The following VWCE variants were observed in gnomAD, a reference collection of about 807,000 sequenced individuals.
VWCE encodes von Willebrand factor C and EGF domain-containing protein.
VWCE carries 68 observed loss-of-function variants against 102.9 expected under a neutral mutation model. That is an observed-to-expected ratio of 0.66 (90% CI 0.54 to 0.81). The LOEUF is 0.81. Among genes scored for constraint, VWCE ranks in the 30% least tolerant of loss-of-function variants. The pLI, the probability that VWCE is intolerant of heterozygous loss-of-function variation, is 0.00. For missense variants in VWCE, 1,137 were observed against 1,263.6 expected, an observed-to-expected ratio of 0.90 and a Z score of 1.52; for synonymous variants, 497 against 515.4, an observed-to-expected ratio of 0.96 and a Z score of 0.48.
chr11:61,274,713 T>G, intron 11 of VWCE, 129 bp from the exon 12 acceptor site: 1 of 665,028 alleles, frequency 1.5e-6, no homozygotes. Flanking sequence ...GCATGCTCCG[T>G]GCCCAGGAAC....
At chr11:61,282,990 A>G in intron 5 of VWCE, 85 bp from the exon 6 acceptor site, 1 of 1,159,806 alleles carries the variant, frequency 8.6e-7, no homozygotes, top group Non-Finnish European at 1.3e-6. Flanking sequence ...CCTCATCTCC[A>G]TCTCCTATAC....
intron 3 of VWCE, 36 bp from the exon 4 acceptor site, chr11:61,290,963 G>A (rs771232134): frequency 9.4e-6 from 15 of 1,594,518 alleles, no homozygotes; most frequent in Admixed American, 5.1e-5. Context: ...CATGCACCCC[G>A]TGGCAGTCCC....
Position 61,294,815 on chromosome 11 carries a change from G to A in VWCE, c.110+113C>T, listed in dbSNP as rs1668880277. Reference sequence around the variant, plus strand: ...TGCCCGCGCTGATAGCACCCCAGAGGAAGCCCCGACACGCGGCTGCCTGCG... The same window carrying A: ...TGCCCGCGCTGATAGCACCCCAGAGAAAGCCCCGACACGCGGCTGCCTGCG... On this transcript the variant is annotated intron_variant, in intron 1 of 19. Transcript: ENST00000335613. The surrounding 1 kb of genome is among the most constrained non-coding windows in gnomAD (Gnocchi z 6.3). 1 of 651,954 alleles carries A rather than the reference G, an allele frequency of 1.5e-6. No individual in the cohort carries two copies. Among genetic ancestry groups the A allele is most frequent in the Non-Finnish European group, 2.3e-6 (1 of 439,852 alleles). 40.4% of individuals were successfully genotyped at this position (651,954 alleles called of 1,614,324 possible). A position where few individuals can be genotyped will look rare whatever the true frequency, so the allele number is the denominator to read the frequency against.
At position 61,294,574 on chromosome 11, in the gene VWCE, G is replaced by GGTGA. The variant is rs1245528082; in HGVS notation, c.110+353_110+354insTCAC. Among the ~76,000 whole-genome samples, 5 of 152,146 alleles carry GGTGA rather than the reference G, an allele frequency of 3.3e-5. No homozygotes were observed. The highest frequency in any genetic ancestry group is 9.7e-5 in the African/African-American group (4 of 41,436). ...CCAGGCGCTGCCCGGGCAGAGCCAC[G>GGTGA]GGCACGCTGGGGGGTGAGCCAGCCA... On this transcript the variant is annotated intron_variant, in intron 1 of 19. Coordinates refer to ENST00000335613, the MANE Select transcript of VWCE (RefSeq NM_152718.2). The surrounding 1 kb of genome is among the most constrained non-coding windows in gnomAD (Gnocchi z 6.3).
At position 61,281,244 on chromosome 11, in the gene VWCE, G is replaced by A. The variant is rs771559204; in HGVS notation, c.788-9C>T. On this transcript the variant is annotated splice_polypyrimidine_tract_variant and intron_variant, in intron 7 of 19. Coordinates refer to ENST00000335613, the MANE Select transcript of VWCE (RefSeq NM_152718.2). ...CACGGCTTTCGGGAAAGCTGAAACAGAAGCACGGAGGTCTCTTGGGGTGGA... is the reference window on the plus strand; with the variant it reads ...CACGGCTTTCGGGAAAGCTGAAACAAAAGCACGGAGGTCTCTTGGGGTGGA... The A allele has an allele frequency of 3.1e-6, 5 of 1,611,830 alleles. No individual in the cohort carries two copies. The Admixed American group carries it at 8.3e-5, about 27-fold the overall frequency.
rs762279418 is a variant in VWCE, at chr11:61,274,556, G to A, written c.1524C>T (p.Tyr508=). The A allele has an allele frequency of 2.5e-5, 41 of 1,613,644 alleles. No homozygotes were observed. Among genetic ancestry groups the A allele is most frequent in the Non-Finnish European group, 3.0e-5 (35 of 1,179,954 alleles). The part of the protein sequence containing the change: ...PVRCYFHGRW[Y]ADGAVFSGGG... ...CCCCACTGAACACAGCCCCGTCTGC[G>A]TACCACCGGCCGTGGAAATAGCATC... The change falls in exon 12 of 20, where the codon TAC becomes TAT. Residue 508 remains tyrosine (Y), a synonymous_variant. Coordinates refer to ENST00000335613, the MANE Select transcript of VWCE (RefSeq NM_152718.2).
At position 61,258,568 on chromosome 11, in the gene VWCE, G is replaced by T; in HGVS notation, c.*107C>A. The T allele has an allele frequency of 8.6e-7, 1 of 1,167,122 alleles. No individual in the cohort carries two copies. The highest frequency in any genetic ancestry group is 1.1e-6 in the Non-Finnish European group (1 of 908,210). The allele number at this position is 1,167,122 out of a possible 1,614,324, so 72.3% of individuals were successfully genotyped here. A position where few individuals can be genotyped will look rare whatever the true frequency, so the allele number is the denominator to read the frequency against. On this transcript the variant is annotated 3_prime_UTR_variant, in exon 20 of 20. Coordinates refer to ENST00000335613, the MANE Select transcript of VWCE (RefSeq NM_152718.2). ...CATCCTCACCAGGGCCCCTGCAGGAGGGAGCCCAGGCATCCCCACCAGGTT... is the reference window on the plus strand; with the variant it reads ...CATCCTCACCAGGGCCCCTGCAGGATGGAGCCCAGGCATCCCCACCAGGTT...
chr11:61,278,907 C>T (rs1157309709), intron 9 of VWCE, among the ~76,000 whole-genome samples: 4 of 151,926 alleles, frequency 2.6e-5, no homozygotes, highest in Non-Finnish European at 5.9e-5. Flanking sequence ...GGCGTGGTGG[C>T]GTGTGCCTGT....
chr11:61,290,578 C>T (rs1855469514), intron 4 of VWCE, among the ~76,000 whole-genome samples: 1 of 151,376 alleles, frequency 6.6e-6, no homozygotes, highest in South Asian at 2.1e-4. Flanking sequence ...CAGTCCCTAG[C>T]TCAGTTCCTG....
chr11:61,270,686 A>C (rs906733904), intron 14 of VWCE, among the ~76,000 whole-genome samples: 1 of 152,214 alleles, frequency 6.6e-6, no homozygotes, highest in Non-Finnish European at 1.5e-5. Flanking sequence ...GCAATTTCAC[A>C]GAAACAGCCT....
chr11:61,267,262 T>C (rs1854541458), intron 16 of VWCE, among the ~76,000 whole-genome samples, 200 bp downstream of exon 16: 1 of 152,108 alleles, frequency 6.6e-6, no homozygotes, highest in African/African-American at 2.4e-5. Flanking sequence ...CAAGGCTCCA[T>C]CTCAAAAACA....
chr11:61,293,416 C>CA (rs752077588), intron 1 of VWCE, among the ~76,000 whole-genome samples: 5,984 of 61,530 alleles, frequency 0.097, 427 homozygotes, highest in African/African-American at 0.22. Context: ...GATTCTGTCT[C>CA]AAAAAAAAAA....
intron 19 of VWCE, among the ~76,000 whole-genome samples, chr11:61,259,759 G>C (rs1185111480): frequency 6.6e-6 from 1 of 152,152 alleles, no homozygotes; most frequent in African/African-American, 2.4e-5. Flanking sequence ...TGGAGTCTGA[G>C]GCATATGGGA....
At chr11:61,266,370 T>A (rs1320046127) in intron 16 of VWCE, among the ~76,000 whole-genome samples, 1 of 151,902 alleles carries the variant, frequency 6.6e-6, no homozygotes. Flanking sequence ...CACGACCCCA[T>A]CTCTATGAAA....
chr11:61,289,680 AC>A (rs1855437960), intron 4 of VWCE, among the ~76,000 whole-genome samples: 1 of 152,226 alleles, frequency 6.6e-6, no homozygotes, highest in Non-Finnish European at 1.5e-5. Context: ...TGCATGCTTA[AC>A]ATACATACAC....
chr11:61,283,151 G>A (rs1422192261), intron 5 of VWCE, among the ~76,000 whole-genome samples: 1 of 152,146 alleles, frequency 6.6e-6, no homozygotes, highest in East Asian at 1.9e-4. Flanking sequence ...AATAGCCAGA[G>A]CCTCCAGTGT....
Position 61,280,809 on chromosome 11 carries a change from G to A in VWCE, c.1214C>T (p.Ser405Phe), listed in dbSNP as rs745788116. 10 of 1,588,414 alleles carry A rather than the reference G, an allele frequency of 6.3e-6. No homozygotes were observed. Among genetic ancestry groups the A allele is most frequent in the Non-Finnish European group, 8.6e-6 (10 of 1,167,452 alleles). Residue 405 changes from serine to phenylalanine, a missense_variant, in exon 8 of 20, where the codon TCC (serine) becomes TTC (phenylalanine). Transcript: ENST00000335613. ...SRSRWTEPGC[S>F]QCWCEDGKVT... Reference sequence around the variant, plus strand: ...AGTACCCACCTCGCACCAGCACTGGGAACACCCAGGCTCTGTCCAGCGACT... The same window carrying A: ...AGTACCCACCTCGCACCAGCACTGGAAACACCCAGGCTCTGTCCAGCGACT...
At chr11:61,261,144 C>T (rs979304077) in intron 19 of VWCE, among the ~76,000 whole-genome samples, 1 of 151,320 alleles carries the variant, frequency 6.6e-6, no homozygotes, top group African/African-American at 2.4e-5. Context: ...TGCTGGAAAC[C>T]GGGAGGTGGA....
Position 61,282,713 on chromosome 11 carries a change from C to T in VWCE, c.658+76G>A, listed in dbSNP as rs1393427149. On this transcript the variant is annotated intron_variant, in intron 6 of 19. Coordinates refer to ENST00000335613, the MANE Select transcript of VWCE (RefSeq NM_152718.2). ...CAGAAAGTCTAATTGTTAACCTTCC[C>T]GGGTCCCTGGGCTCCCTGTCCATCC... 8.2e-6 allele frequency: 10 copies of T among 1,218,320 alleles called. No homozygotes were observed. The East Asian group carries it at 9.3e-5, about 11-fold the overall frequency. 75.5% of individuals were successfully genotyped at this position (1,218,320 alleles called of 1,614,324 possible). A position where few individuals can be genotyped will look rare whatever the true frequency, so the allele number is the denominator to read the frequency against.
Sources: gnomAD v4.1 joint callset for allele counts (sites outside exome capture counted in the v4.1 genomes callset) on GRCh38, gnomAD v4.1.1 for gene constraint, Gnocchi (gnomAD v3.1) non-coding constraint, MANE v1.5 for transcripts, NCBI Gene and HGNC (gene_info 2026-07-23, HGNC 2026-07-21) for gene names.